GLYATL3: variants seen among roughly 807,000 people sequenced by gnomAD.
The protein encoded by GLYATL3 is glycine-N-acyltransferase like 3.
Under a neutral mutation model 28.5 loss-of-function variants are expected in GLYATL3, and 31 were observed. The observed-to-expected ratio is 1.09, with a 90% CI of 0.82 to 1.47. The LOEUF (loss-of-function observed/expected upper bound fraction) is 1.47. Among genes scored for constraint, GLYATL3 ranks in the 40% most tolerant of loss-of-function variants. The pLI, the probability that GLYATL3 is intolerant of heterozygous loss-of-function variation, is 0.00. For synonymous variants in GLYATL3, 141 were observed against 140.2 expected, an observed-to-expected ratio of 1.01 and a Z score of -0.04; for missense variants, 369 against 351.5, an observed-to-expected ratio of 1.05 and a Z score of -0.40.
chr6:49,526,118 G>GA (rs1769406704), intron 5 of GLYATL3, among the ~76,000 whole-genome samples: 1 of 152,086 alleles, frequency 6.6e-6, no homozygotes, highest in African/African-American at 2.4e-5. Context: ...GAACCAATAT[G>GA]AAAAGAGTAG....
At chr6:49,503,416 T>C (rs1256079235) in intron 1 of GLYATL3, among the ~76,000 whole-genome samples, 2 of 152,232 alleles carry the variant, frequency 1.3e-5, no homozygotes, top group Non-Finnish European at 2.9e-5. Context: ...ACAATGAGCC[T>C]TGGCTTTGGA....
chr6:49,526,613 C>G lies in GLYATL3; in HGVS notation c.566C>G (p.Pro189Arg), dbSNP rs889571513. Reference sequence around the variant, plus strand: ...ATCGCCAACCTCATCTCCTGCTTCCCTAGTGTGTGTGTCCGGGATGAGAAG... The same window carrying G: ...ATCGCCAACCTCATCTCCTGCTTCCGTAGTGTGTGTGTCCGGGATGAGAAG... The part of the protein sequence containing the change: ...RYIANLISCF[P>R]SVCVRDEKGN... The change falls in exon 6 of 6, where the codon CCT becomes CGT. Residue 189 changes from proline (P) to arginine (R), a missense_variant. By Grantham distance (103) the Pro-to-Arg change is moderately radical. Transcript: ENST00000371197. 1 of 1,552,008 alleles carries G rather than the reference C, an allele frequency of 6.4e-7. No homozygotes were observed. Among genetic ancestry groups the G allele is most frequent in the South Asian group, 1.2e-5 (1 of 84,052 alleles).
chr6:49,503,499 T>C (rs986311282), intron 1 of GLYATL3, among the ~76,000 whole-genome samples: 2 of 152,240 alleles, frequency 1.3e-5, no homozygotes, highest in Admixed American at 6.5e-5. Context: ...GGGAGGGTTG[T>C]CACTACTTTT....
At chr6:49,508,275 G>A (rs890283520) in intron 1 of GLYATL3, among the ~76,000 whole-genome samples, 7 of 152,074 alleles carry the variant, frequency 4.6e-5, no homozygotes, top group South Asian at 2.1e-4. Flanking sequence ...CAGCCTGGGC[G>A]ACACAGTGAG....
chr6:49,512,468 A>G (rs1373123241), intron 2 of GLYATL3, among the ~76,000 whole-genome samples: 1 of 151,968 alleles, frequency 6.6e-6, no homozygotes, highest in Admixed American at 6.6e-5. Context: ...CACCCCCTGG[A>G]AACTACACTT....
chr6:49,516,496 T>C (rs1226364464), intron 3 of GLYATL3, among the ~76,000 whole-genome samples: 1 of 152,106 alleles, frequency 6.6e-6, no homozygotes, highest in African/African-American at 2.4e-5. Flanking sequence ...GAGAAGCTCA[T>C]GTGGCCAAAG....
At chr6:49,513,804 T>C (rs542846071) in intron 2 of GLYATL3, among the ~76,000 whole-genome samples, 1 of 152,278 alleles carries the variant, frequency 6.6e-6, no homozygotes, top group East Asian at 1.9e-4. Flanking sequence ...AAATGAGTGA[T>C]TTAGATTACA....
intron 3 of GLYATL3, among the ~76,000 whole-genome samples, chr6:49,517,167 A>AG (rs1405018098): frequency 9.3e-5 from 14 of 150,456 alleles, no homozygotes; most frequent in Non-Finnish European, 1.6e-4. Context: ...TAAAAAAAAA[A>AG]AAAAGAAAAG....
At chr6:49,520,958 G>T (rs1164274815) in intron 4 of GLYATL3, among the ~76,000 whole-genome samples, 1 of 152,202 alleles carries the variant, frequency 6.6e-6, no homozygotes, top group Non-Finnish European at 1.5e-5. Flanking sequence ...CATGGTTATA[G>T]TAAGCTATGA....
intron 2 of GLYATL3, 92 bp from the exon 3 acceptor site, chr6:49,515,561 T>A: frequency 1.4e-6 from 1 of 719,912 alleles, no homozygotes; most frequent in Non-Finnish European, 2.5e-6. Flanking sequence ...CTTGTGGACA[T>A]GATTACACAG....
At chr6:49,523,230 T>C (rs538316220) in intron 5 of GLYATL3, among the ~76,000 whole-genome samples, 1 of 152,338 alleles carries the variant, frequency 6.6e-6, no homozygotes, top group South Asian at 2.1e-4. Flanking sequence ...ACACAGAATG[T>C]GCTCAGTCCC....
At chr6:49,502,877 G>C (rs768570820) in intron 1 of GLYATL3, among the ~76,000 whole-genome samples, 2 of 152,062 alleles carry the variant, frequency 1.3e-5, no homozygotes, top group African/African-American at 4.8e-5. Context: ...GTAAGGCTAC[G>C]GGAAGCCAAA....
Position 49,526,756 on chromosome 6 carries a change from A to T in GLYATL3, c.709A>T (p.Lys237Ter). The T allele has an allele frequency of 6.4e-7, 1 of 1,551,750 alleles. No homozygotes were observed. The highest frequency in any genetic ancestry group is 8.7e-7 in the Non-Finnish European group (1 of 1,147,000). The change falls in exon 6 of 6, where the codon AAG becomes TAG. Residue 237 changes from lysine to a stop codon, truncating the protein, a stop_gained. Transcript: ENST00000371197. LOFTEE classifies it high-confidence loss of function. Reference sequence around the variant, plus strand: ...GCTGGTGGCCCTCACGCTGGCCAGGAAGTTGCAAAGCCGGGGATTCCCCTC... The same window carrying T: ...GCTGGTGGCCCTCACGCTGGCCAGGTAGTTGCAAAGCCGGGGATTCCCCTC... Reference protein sequence around the residue: ...SRLVALTLARKLQSRGFPSQG... With the variant: ...SRLVALTLAR
At chr6:49,515,805 A>G (rs1259875283) in intron 3 of GLYATL3, 45 bp downstream of exon 3, 2 of 1,110,842 alleles carry the variant, frequency 1.8e-6, no homozygotes, top group African/African-American at 1.5e-5. Context: ...TAAGAATTGG[A>G]AAGAAAAAGT....
At chr6:49,502,938 G>A (rs115353493) in intron 1 of GLYATL3, among the ~76,000 whole-genome samples, 1,723 of 152,282 alleles carry the variant, frequency 0.011, 16 homozygotes, top group Non-Finnish European at 0.018. Flanking sequence ...ATTAAAGGAT[G>A]AGTCAATCCA....
At chr6:49,523,252 C>T (rs988667290) in intron 5 of GLYATL3, among the ~76,000 whole-genome samples, 1 of 152,192 alleles carries the variant, frequency 6.6e-6, no homozygotes, top group Non-Finnish European at 1.5e-5. Context: ...AAGCAATGAC[C>T]TGTAATGATA....
At chr6:49,502,394 G>A (rs1217522875) in intron 1 of GLYATL3, among the ~76,000 whole-genome samples, 1 of 152,146 alleles carries the variant, frequency 6.6e-6, no homozygotes, top group Non-Finnish European at 1.5e-5. Flanking sequence ...TCAAAAATCT[G>A]TGCTTTTAGC....
intron 5 of GLYATL3, among the ~76,000 whole-genome samples, chr6:49,525,676 A>G (rs1476758302): frequency 6.6e-6 from 1 of 151,684 alleles, no homozygotes; most frequent in Non-Finnish European, 1.5e-5. Flanking sequence ...TATACCCACC[A>G]GTGGGAGATT....
intron 1 of GLYATL3, among the ~76,000 whole-genome samples, chr6:49,506,760 C>A (rs1178502587): frequency 6.6e-6 from 1 of 152,070 alleles, no homozygotes; most frequent in African/African-American, 2.4e-5. Flanking sequence ...TAAATTAAAG[C>A]CTCCAATTTG....
Sources: allele counts gnomAD v4.1 joint callset (sites outside exome capture counted in the v4.1 genomes callset), GRCh38; gene constraint gnomAD v4.1.1; transcripts MANE v1.5; gene names NCBI Gene and HGNC (gene_info 2026-07-23, HGNC 2026-07-21).